Variants in MYRIP observed in about 807,000 individuals in gnomAD.
MYRIP encodes rab effector MyRIP.
Under a neutral mutation model 98.0 loss-of-function variants are expected in MYRIP, and 49 were observed. The ratio of observed to expected loss-of-function variants is 0.50; its 90% CI spans 0.40 to 0.63. The LOEUF (loss-of-function observed/expected upper bound fraction) is 0.63. Among genes scored for constraint, MYRIP ranks in the 30% least tolerant of loss-of-function variants. The pLI is 0.00. For synonymous variants in MYRIP, 404 were observed against 409.5 expected (o/e 0.99, Z 0.16); for missense variants, 1,004 against 1,058.2 (o/e 0.95, Z 0.71).
chr3:40,073,316 GGA>G lies in MYRIP; in HGVS notation c.332+29049_332+29050del, dbSNP rs1400128930. ...AAGAGTACACTCCAAGAGAAGAGTG[GGA>G]GAGTGGGCTGGCCTGGCTGGGAGCA... On this transcript the variant is annotated intron_variant, in intron 3 of 16. Transcript: ENST00000302541. Among the ~76,000 whole-genome samples the G allele has an allele frequency of 6.6e-5, 10 of 152,158 alleles. No homozygotes were observed. In the South Asian group the frequency reaches 2.1e-3, roughly 32 times the overall value.
intron 1 of MYRIP, among the ~76,000 whole-genome samples, chr3:39,820,126 A>G (rs1489067303): frequency 6.6e-6 from 1 of 152,214 alleles, no homozygotes; most frequent in Non-Finnish European, 1.5e-5. Flanking sequence ...CCCAGGAAGG[A>G]TGAGTGCCTG....
At chr3:40,043,262 A>C (rs1487297389) in intron 2 of MYRIP, among the ~76,000 whole-genome samples, 1 of 152,198 alleles carries the variant, frequency 6.6e-6, no homozygotes, top group Non-Finnish European at 1.5e-5. Flanking sequence ...TAGTAAAAAT[A>C]ATAATTTTTC....
intron 2 of MYRIP, among the ~76,000 whole-genome samples, chr3:39,958,530 A>T (rs570060107): frequency 1.3e-5 from 2 of 152,334 alleles, no homozygotes; most frequent in East Asian, 3.9e-4. Context: ...AAATTAACTC[A>T]AGATGGATTA....
chr3:39,959,162 A>C (rs77788132), intron 2 of MYRIP, among the ~76,000 whole-genome samples: 75,971 of 151,902 alleles, frequency 0.5, 19,357 homozygotes, highest in East Asian at 0.65. Context: ...TTTGACCCAG[A>C]CATCCCATTA....
At chr3:39,922,383 AC>A (rs1944325692) in intron 2 of MYRIP, among the ~76,000 whole-genome samples, 1 of 152,208 alleles carries the variant, frequency 6.6e-6, no homozygotes, top group African/African-American at 2.4e-5. Context: ...GGAAGCTGAG[AC>A]TTTTATCCTT....
At chr3:40,122,012 T>C (rs1239431234) in intron 3 of MYRIP, among the ~76,000 whole-genome samples, 1 of 152,210 alleles carries the variant, frequency 6.6e-6, no homozygotes, top group Non-Finnish European at 1.5e-5. Flanking sequence ...ATTATTTTTG[T>C]TTAAATATTT....
At chr3:39,900,689 A>G (rs1040720065) in intron 1 of MYRIP, 98 bp from the exon 2 acceptor site, 39 of 620,374 alleles carry the variant, frequency 6.3e-5, no homozygotes, top group Non-Finnish European at 8.2e-5. Context: ...ATAAACACTT[A>G]CATATAAACA....
chr3:39,997,769 G>A (rs142300415), intron 2 of MYRIP, among the ~76,000 whole-genome samples: 2 of 151,902 alleles, frequency 1.3e-5, no homozygotes, highest in Non-Finnish European at 2.9e-5. Context: ...AATGAACATC[G>A]ATGCAAAAAT....
chr3:40,178,338 G>A (rs1950813297), intron 8 of MYRIP, among the ~76,000 whole-genome samples: 1 of 152,202 alleles, frequency 6.6e-6, no homozygotes, highest in Non-Finnish European at 1.5e-5. Context: ...TGATCACACT[G>A]GGTGTTTTGC....
intron 2 of MYRIP, among the ~76,000 whole-genome samples, chr3:40,015,771 T>C (rs1946849591): frequency 6.6e-6 from 1 of 152,234 alleles, no homozygotes; most frequent in Non-Finnish European, 1.5e-5. Flanking sequence ...CTGTGTCTTT[T>C]AAAGACATTA....
intron 2 of MYRIP, among the ~76,000 whole-genome samples, chr3:39,926,349 C>T (rs1175880095): frequency 2.0e-5 from 3 of 151,912 alleles, no homozygotes; most frequent in Non-Finnish European, 4.4e-5. Context: ...TTAGGTTCTA[C>T]TTGTCAATTT....
chr3:39,845,122 A>G (rs1446874915), intron 1 of MYRIP, among the ~76,000 whole-genome samples: 2 of 152,230 alleles, frequency 1.3e-5, no homozygotes, highest in South Asian at 4.1e-4. Flanking sequence ...CGGCAATAAA[A>G]GCAACAGCCC....
At chr3:39,829,611 C>T (rs1480553332) in intron 1 of MYRIP, among the ~76,000 whole-genome samples, 2 of 152,104 alleles carry the variant, frequency 1.3e-5, no homozygotes, top group African/African-American at 4.8e-5. Context: ...CTTGCATGCA[C>T]ATCGTGTGTT....
intron 3 of MYRIP, among the ~76,000 whole-genome samples, chr3:40,078,046 G>T (rs182987247): frequency 8.4e-4 from 128 of 152,374 alleles, no homozygotes; most frequent in Admixed American, 1.4e-3. Flanking sequence ...CAGGCATGGC[G>T]GGCTGCAGGT....
chr3:39,889,166 A>G (rs568048192), intron 1 of MYRIP, among the ~76,000 whole-genome samples: 1 of 152,240 alleles, frequency 6.6e-6, no homozygotes, highest in African/African-American at 2.4e-5. Flanking sequence ...TGACCCAGCC[A>G]TCCCATTACT....
intron 2 of MYRIP, among the ~76,000 whole-genome samples, chr3:39,959,596 A>G (rs980574083): frequency 2.6e-5 from 4 of 151,930 alleles, no homozygotes; most frequent in African/African-American, 7.3e-5. Flanking sequence ...TGGGTGCAGC[A>G]CACCAGCATG....
chr3:39,894,536 T>C lies in MYRIP; in HGVS notation c.-30-6251T>C, dbSNP rs532275182. ...ATGGACACTTGCATAGACGGTTCATTTGGATCTATTTTAATAGTGTTGCTG... is the reference window on the plus strand; with the variant it reads ...ATGGACACTTGCATAGACGGTTCATCTGGATCTATTTTAATAGTGTTGCTG... On this transcript the variant is annotated intron_variant, in intron 1 of 16. Coordinates refer to ENST00000302541, the MANE Select transcript of MYRIP (RefSeq NM_015460.4). 3.9e-5 allele frequency among the ~76,000 whole-genome samples: 6 copies of C among 152,346 alleles called. No homozygotes were observed. In the South Asian group the frequency reaches 8.3e-4, roughly 21 times the overall value.
chr3:39,857,194 C>G (rs1042379281), intron 1 of MYRIP, among the ~76,000 whole-genome samples: 2 of 149,816 alleles, frequency 1.3e-5, no homozygotes, highest in Non-Finnish European at 3.0e-5. Context: ...GCCTGAGTGA[C>G]AGGGTGAGGC....
chr3:40,040,738 C>A (rs1271088050), intron 2 of MYRIP, among the ~76,000 whole-genome samples: 2 of 57,612 alleles, frequency 3.5e-5, no homozygotes, highest in South Asian at 6.1e-4. Flanking sequence ...AACAAAAAAC[C>A]AAACACCGCA....
Sources: gnomAD v4.1 joint callset for allele counts (sites outside exome capture counted in the v4.1 genomes callset) on GRCh38, gnomAD v4.1.1 for gene constraint, MANE v1.5 for transcripts, NCBI Gene and HGNC (gene_info 2026-07-23, HGNC 2026-07-21) for gene names.